The following EYA3 variants were observed in gnomAD, a reference collection of about 807,000 sequenced individuals.
EYA3 encodes protein phosphatase EYA3.
A neutral mutation model predicts 80.0 loss-of-function variants in EYA3; 39 were observed. The observed-to-expected ratio is 0.49, with a 90% CI of 0.38 to 0.64. The LOEUF (loss-of-function observed/expected upper bound fraction) is 0.64, where lower values mean the gene tolerates loss of function less well. EYA3 is among the 30% of genes least tolerant of loss of function. The pLI is 0.00. For missense variants in EYA3, 523 were observed against 676.1 expected, an observed-to-expected ratio of 0.77 and a Z score of 2.51; for synonymous variants, 206 against 232.8, an observed-to-expected ratio of 0.88 and a Z score of 1.05.
intron 3 of EYA3, among the ~76,000 whole-genome samples, chr1:28,043,275 G>T (rs1442345326): frequency 6.8e-6 from 1 of 146,954 alleles, no homozygotes. Context: ...TTTATTATAT[G>T]TTTATGGGGT....
At chr1:28,066,714 A>G (rs1293055455) in intron 1 of EYA3, among the ~76,000 whole-genome samples, 1 of 152,206 alleles carries the variant, frequency 6.6e-6, no homozygotes, top group African/African-American at 2.4e-5. Flanking sequence ...CTTTCATGCA[A>G]TGAAAAAAAC....
chr1:28,085,759 G>GC (rs1185104298), intron 1 of EYA3, among the ~76,000 whole-genome samples: 1 of 147,304 alleles, frequency 6.8e-6, no homozygotes, highest in African/African-American at 2.5e-5. Context: ...AGCTGTCTCT[G>GC]GGTTTGTTTG....
At chr1:28,076,836 G>T (rs1389187347) in intron 1 of EYA3, among the ~76,000 whole-genome samples, 20 of 147,552 alleles carry the variant, frequency 1.4e-4, no homozygotes, top group African/African-American at 4.7e-4. Context: ...CGCCTCCAGG[G>T]TTTAAGTGAT....
chr1:28,072,714 A>T (rs914893582), intron 1 of EYA3, among the ~76,000 whole-genome samples: 1 of 152,160 alleles, frequency 6.6e-6, no homozygotes, highest in African/African-American at 2.4e-5. Flanking sequence ...CAATCCTTCA[A>T]TCCCATTCCG....
chr1:28,068,232 T>C (rs895492173), intron 1 of EYA3, among the ~76,000 whole-genome samples: 1 of 151,506 alleles, frequency 6.6e-6, no homozygotes, highest in African/African-American at 2.4e-5. Flanking sequence ...CTTGGGAGGC[T>C]GAGGCAGGAG....
intron 7 of EYA3, among the ~76,000 whole-genome samples, chr1:28,024,298 TCTC>T (rs1016030049): frequency 4.6e-5 from 7 of 151,594 alleles, no homozygotes; most frequent in Non-Finnish European, 1.0e-4. Context: ...TTTTTAAAAA[TCTC>T]CTGGTCAGAG....
intron 7 of EYA3, among the ~76,000 whole-genome samples, chr1:28,024,330 C>T (rs961762346): frequency 6.6e-6 from 1 of 151,764 alleles, no homozygotes; most frequent in African/African-American, 2.4e-5. Flanking sequence ...TTGTGTGTTA[C>T]CAATGATACT....
chr1:28,011,022 G>A lies in EYA3; in HGVS notation c.834C>T (p.Ser278=), dbSNP rs535753144. ...GGTTCTTGCTAGTCATGTTTTTCCT[G>A]GACTGATCATCAGTATCTTTACTTG... ...TTPSKDTDDQ[S]RKNMTSKNRG... is the part of the protein sequence containing the mutation. The change falls in exon 10 of 18, where the codon TCC becomes TCT. Residue 278 remains serine (S), a synonymous_variant. Coordinates refer to ENST00000373871, the MANE Select transcript of EYA3 (RefSeq NM_001990.4). The A allele has an allele frequency of 1.9e-6, 3 of 1,613,968 alleles. No individual in the cohort carries two copies. The East Asian group carries it at 6.7e-5, about 36-fold the overall frequency.
At chr1:28,082,128 G>A (rs932686618) in intron 1 of EYA3, among the ~76,000 whole-genome samples, 1 of 151,994 alleles carries the variant, frequency 6.6e-6, no homozygotes, top group East Asian at 1.9e-4. Flanking sequence ...TAAAAAAACA[G>A]TATACTTAAT....
chr1:28,073,103 T>TTATATATACATA (rs1553157587), intron 1 of EYA3, among the ~76,000 whole-genome samples: 1 of 37,762 alleles, frequency 2.6e-5, no homozygotes, highest in African/African-American at 1.6e-4. Context: ...GATGAAACTA[T>TTATATATACATA]TATATATATA....
At chr1:28,061,219 C>G (rs1644612177) in intron 1 of EYA3, among the ~76,000 whole-genome samples, 1 of 152,128 alleles carries the variant, frequency 6.6e-6, no homozygotes, top group African/African-American at 2.4e-5. Flanking sequence ...GTATAAAATG[C>G]ACTAATGACC....
At chr1:28,011,263 T>C (rs1641678865) in intron 9 of EYA3, among the ~76,000 whole-genome samples, 177 bp from the exon 10 acceptor site, 1 of 152,230 alleles carries the variant, frequency 6.6e-6, no homozygotes, top group Admixed American at 6.5e-5. Flanking sequence ...GCATCAGCAC[T>C]GGCTAACATC....
chr1:28,086,625 GTTC>G (rs1459895857), intron 1 of EYA3, among the ~76,000 whole-genome samples: 3 of 152,096 alleles, frequency 2.0e-5, no homozygotes, highest in Non-Finnish European at 4.4e-5. Flanking sequence ...GGGGTTTAAT[GTTC>G]TTATCTTAAT....
At chr1:28,041,225 G>A (rs1005280280) in intron 4 of EYA3, among the ~76,000 whole-genome samples, 4 of 152,086 alleles carry the variant, frequency 2.6e-5, no homozygotes, top group Non-Finnish European at 2.9e-5. Flanking sequence ...TTAGCCAGGC[G>A]TGATGGTGCG....
At chr1:28,080,127 AGTTT>A (rs751978227) in intron 1 of EYA3, among the ~76,000 whole-genome samples, 67 of 149,972 alleles carry the variant, frequency 4.5e-4, no homozygotes, top group Admixed American at 1.0e-3. Context: ...GGAAACCAGC[AGTTT>A]GTTTTAAATT....
chr1:28,021,452 T>C (rs1402562301), intron 7 of EYA3, among the ~76,000 whole-genome samples: 4 of 152,114 alleles, frequency 2.6e-5, no homozygotes, highest in Admixed American at 2.6e-4. Flanking sequence ...CGCACCCCAC[T>C]AGTCTGTAAG....
chr1:28,013,380 T>G lies in EYA3; in HGVS notation c.586-86A>C. 2 of 1,143,926 alleles carry G rather than the reference T, an allele frequency of 1.7e-6. No homozygotes were observed. The highest frequency in any genetic ancestry group is 2.4e-6 in the Non-Finnish European group (2 of 834,238). The allele number at this position is 1,143,926 out of a possible 1,614,324, so 70.9% of individuals were successfully genotyped here. ...GAGGCTTTCTTCTCCCTCTTTCTTATTCATAATTATTTTTCTAAAACATTA... is the reference window on the plus strand; with the variant it reads ...GAGGCTTTCTTCTCCCTCTTTCTTAGTCATAATTATTTTTCTAAAACATTA... On this transcript the variant is annotated intron_variant, in intron 8 of 17. Transcript: ENST00000373871. This position sits in a 1 kb window ranked among gnomAD's most constrained non-coding sequence, Gnocchi z 4.0.
In EYA3 at chr1:27,993,459, A is replaced by C; in HGVS notation, c.1244T>G (p.Leu415Arg). ...VQGGVDWMRKLAFRYRKVREI... is the reference protein window; with the variant it reads ...VQGGVDWMRKRAFRYRKVREI... ...TCTCACTTTCCGGTAGCGGAAAGCT[A>C]GTTTCCTCATCCAGTCCACACCTCC... is the stretch of plus-strand genomic sequence containing the variant. Residue 415 changes from leucine to arginine, a missense_variant, in exon 14 of 18, where the codon CTA becomes CGA. By Grantham distance (102) the Leu-to-Arg change is moderately radical. Coordinates refer to ENST00000373871, the MANE Select transcript of EYA3 (RefSeq NM_001990.4). 6.2e-7 allele frequency: 1 copy of C among 1,613,576 alleles called. No homozygotes were observed. The highest frequency in any genetic ancestry group is 8.5e-7 in the Non-Finnish European group (1 of 1,179,816).
At chr1:28,041,592 G>A (rs1008658400) in intron 4 of EYA3, among the ~76,000 whole-genome samples, 1 of 151,840 alleles carries the variant, frequency 6.6e-6, no homozygotes, top group Non-Finnish European at 1.5e-5. Context: ...GAATGAATAG[G>A]ATGACAGTCT....
Sources: allele counts gnomAD v4.1 joint callset (sites outside exome capture counted in the v4.1 genomes callset), GRCh38; gene constraint gnomAD v4.1.1; non-coding constraint Gnocchi (gnomAD v3.1); transcripts MANE v1.5; gene names NCBI Gene and HGNC (gene_info 2026-07-23, HGNC 2026-07-21).